AHNAK: variants seen among roughly 807,000 people sequenced by gnomAD.
AHNAK encodes neuroblast differentiation-associated protein AHNAK.
AHNAK carries 23 observed loss-of-function variants against 37.8 expected under a neutral mutation model. The observed-to-expected ratio is 0.61, with a 90% CI of 0.44 to 0.86. The LOEUF (loss-of-function observed/expected upper bound fraction) is 0.86. AHNAK is among the 40% of genes least tolerant of loss of function. The pLI, the probability that AHNAK is intolerant of heterozygous loss-of-function variation, is 0.00. For synonymous variants in AHNAK, 2,481 were observed against 2,636.3 expected, an observed-to-expected ratio of 0.94 and a Z score of 1.80; for missense variants, 7,411 against 7,319.4, an observed-to-expected ratio of 1.01 and a Z score of -0.46.
In AHNAK at chr11:62,533,683, T is replaced by C. The variant is rs755308336; in HGVS notation, c.734A>G (p.Gln245Arg). 1 of 1,614,140 alleles carries C rather than the reference T, an allele frequency of 6.2e-7. No individual in the cohort carries two copies. Among genetic ancestry groups the C allele is most frequent in the South Asian group, 1.1e-5 (1 of 91,078 alleles). Reference protein sequence around the residue: ...ELQGAGHSKLQVTMPGIKVGG... With the variant: ...ELQGAGHSKLRVTMPGIKVGG... ...CACCTTTATCCCAGGCATGGTGACCTGGAGCTTCGAGTGGCCAGCACCTTG... is the reference window on the plus strand; with the variant it reads ...CACCTTTATCCCAGGCATGGTGACCCGGAGCTTCGAGTGGCCAGCACCTTG... Residue 245 changes from glutamine (Q) to arginine (R), a missense_variant, in exon 5 of 5, where the codon CAG (glutamine) becomes CGG (arginine). Physicochemically the swap from Gln to Arg is conservative, Grantham distance 43 (BLOSUM62 1). Coordinates refer to ENST00000378024, the MANE Select transcript of AHNAK (RefSeq NM_001620.3).
At chr11:62,451,690 T>C (rs1938540641) in intron 5 of AHNAK, among the ~76,000 whole-genome samples, 1 of 147,874 alleles carries the variant, frequency 6.8e-6, no homozygotes, top group Admixed American at 6.8e-5. Context: ...TTAGCTGAGA[T>C]TGCACCATTG....
At chr11:62,482,498 G>A (rs1428521896) in intron 5 of AHNAK, among the ~76,000 whole-genome samples, 4 of 152,118 alleles carry the variant, frequency 2.6e-5, no homozygotes, top group Non-Finnish European at 5.9e-5. Flanking sequence ...TTCTCTCAAT[G>A]ACTTTGGGCA....
chr11:62,447,436 G>A (rs112970500), intron 5 of AHNAK, among the ~76,000 whole-genome samples: 2,657 of 152,214 alleles, frequency 0.017, 78 homozygotes, highest in African/African-American at 0.06. Flanking sequence ...TGAGGAGAAC[G>A]TCTGTTCCAC....
chr11:62,521,591 C>T lies in AHNAK; in HGVS notation c.12826G>A (p.Asp4276Asn). 1 of 1,612,004 alleles carries T rather than the reference C, an allele frequency of 6.2e-7. No individual in the cohort carries two copies. The highest frequency in any genetic ancestry group is 8.5e-7 in the Non-Finnish European group (1 of 1,179,558). The change falls in exon 5 of 5, where the codon GAT becomes AAT. Residue 4276 changes from aspartate (D) to asparagine (N), a missense_variant. Coordinates refer to ENST00000378024, the MANE Select transcript of AHNAK (RefSeq NM_001620.3). ...LKGPKVKGDV[D>N]VSLPKVEGDL... Reference sequence around the variant, plus strand: ...CCTTCCACTTTAGGAAGGGAAACATCCACATCACCCTTCACCTTGGGACCT... The same window carrying T: ...CCTTCCACTTTAGGAAGGGAAACATTCACATCACCCTTCACCTTGGGACCT...
At chr11:62,471,813 G>A (rs769474077) in intron 5 of AHNAK, among the ~76,000 whole-genome samples, 1 of 151,832 alleles carries the variant, frequency 6.6e-6, no homozygotes, top group Non-Finnish European at 1.5e-5. Flanking sequence ...CCTCAGCCCC[G>A]CACACTGGCA....
intron 5 of AHNAK, among the ~76,000 whole-genome samples, chr11:62,489,711 C>T (rs1242084045): frequency 6.6e-6 from 1 of 151,580 alleles, no homozygotes; most frequent in Non-Finnish European, 1.5e-5. Context: ...CCCTGGAGCT[C>T]GGAAGAGAAG....
At chr11:62,466,187 G>C (rs1354604845) in intron 5 of AHNAK, among the ~76,000 whole-genome samples, 1 of 152,028 alleles carries the variant, frequency 6.6e-6, no homozygotes, top group East Asian at 1.9e-4. Context: ...AAGAATGGTG[G>C]CACACACCTG....
chr11:62,445,580 A>G (rs901715623), intron 5 of AHNAK, among the ~76,000 whole-genome samples: 8 of 152,216 alleles, frequency 5.3e-5, no homozygotes, highest in Non-Finnish European at 1.2e-4. Context: ...CTGGCCAGGC[A>G]CAGTGGCTCA....
intron 4 of AHNAK, among the ~76,000 whole-genome samples, chr11:62,492,924 G>T (rs192395815): frequency 7.5e-6 from 1 of 133,580 alleles, no homozygotes; most frequent in Non-Finnish European, 1.5e-5. Context: ...TAACCCAAAG[G>T]TTACATGAAA....
At position 62,436,201 on chromosome 11, in the gene AHNAK, A is replaced by G. The variant is rs143138579; in HGVS notation, c.443-2310T>C. Among the ~76,000 whole-genome samples the G allele has an allele frequency of 3.0e-3, 464 of 152,316 alleles. 4 individuals are homozygous for G. Among genetic ancestry groups the G allele is most frequent in the African/African-American group, 0.011 (446 of 41,570 alleles). On this transcript the variant is annotated intron_variant, in intron 5 of 5. Transcript: ENST00000257247. Reference sequence around the variant, plus strand: ...GAACAAATTCATGGAAAGGGTTCATAAAGGGGCTGGGCTTCCCAATTCATG... The same window carrying G: ...GAACAAATTCATGGAAAGGGTTCATGAAGGGGCTGGGCTTCCCAATTCATG...
chr11:62,491,763 G>A lies in AHNAK; in HGVS notation c.411C>T (p.Ala137=), dbSNP rs199527649. 7.1e-5 allele frequency: 115 copies of A among 1,612,658 alleles called. No homozygotes were observed. Among genetic ancestry groups the A allele is most frequent in the African/African-American group, 2.3e-4 (17 of 74,868 alleles). The change falls in exon 5 of 6, where the codon GCC becomes GCT. Residue 137 remains alanine, a synonymous_variant. Transcript: ENST00000257247. ...TTGGGGTGGAGACTGAAACTGCCCC[G>A]GCTTGGCTGCTGGCTTCCTTCTGTT...
chr11:62,526,376 C>T lies in AHNAK; in HGVS notation c.8041G>A (p.Val2681Ile), dbSNP rs374413581. ...TTTCCCTCTGGTCCTTCAATGTTAACATCAGGGCCTTCAATGTCCACTTTG... is the reference window on the plus strand; with the variant it reads ...TTTCCCTCTGGTCCTTCAATGTTAATATCAGGGCCTTCAATGTCCACTTTG... ...GPKVDIEGPD[V>I]NIEGPEGKLK... is the part of the protein sequence containing the mutation. Residue 2681 changes from valine (V) to isoleucine (I), a missense_variant, in exon 5 of 5, where the codon GTT becomes ATT. Coordinates refer to ENST00000378024, the MANE Select transcript of AHNAK (RefSeq NM_001620.3). 4 of 1,610,144 alleles carry T rather than the reference C, an allele frequency of 2.5e-6. No homozygotes were observed.
At position 62,530,207 on chromosome 11, in the gene AHNAK, C is replaced by T. The variant is rs769404448; in HGVS notation, c.4210G>A (p.Val1404Met). 2.7e-5 allele frequency: 43 copies of T among 1,610,958 alleles called. No homozygotes were observed. Among genetic ancestry groups the T allele is most frequent in the Admixed American group, 1.8e-4 (11 of 59,618 alleles). Residue 1404 changes from valine (V) to methionine (M), a missense_variant, in exon 5 of 5, where the codon GTG becomes ATG. Val to Met is a conservative substitution (Grantham distance 21). Coordinates refer to ENST00000378024, the MANE Select transcript of AHNAK (RefSeq NM_001620.3). ...GFKGEGPEVD[V>M]KLPKADVDVS... is the part of the protein sequence containing the mutation. ...TCAACGTCAGCTTTGGGCAGCTTCA[C>T]ATCCACTTCAGGGCCCTCTCCTTTG... is the stretch of plus-strand genomic sequence containing the variant.
chr11:62,452,033 C>T (rs1009835532), intron 5 of AHNAK, among the ~76,000 whole-genome samples: 20 of 151,850 alleles, frequency 1.3e-4, no homozygotes, highest in African/African-American at 4.6e-4. Context: ...AGGATGGTCT[C>T]GATCTCCTGA....
Position 62,519,918 on chromosome 11 carries a change from C to T in AHNAK, c.14499G>A (p.Lys4833=). ...TTTCAGGCATCTTGAACTTGGGGCCCTTCAGTTTTGCGTCTGGACCTTCGA... is the reference window on the plus strand; with the variant it reads ...TTTCAGGCATCTTGAACTTGGGGCCTTTCAGTTTTGCGTCTGGACCTTCGA... ...VNIEGPDAKL[K]GPKFKMPEIN... Residue 4833 remains lysine (K), a synonymous_variant, in exon 5 of 5, where the codon AAG becomes AAA. Coordinates refer to ENST00000378024, the MANE Select transcript of AHNAK (RefSeq NM_001620.3). 1.2e-6 allele frequency: 2 copies of T among 1,613,836 alleles called. No homozygotes were observed. Among genetic ancestry groups the T allele is most frequent in the Non-Finnish European group, 1.7e-6 (2 of 1,179,894 alleles).
chr11:62,486,699 G>A lies in AHNAK; in HGVS notation c.442+5033C>T, dbSNP rs1767643806. ...ATGTAGATGTACTGTATACCACTGA[G>A]CTGTACACCTAAAAATGGTTAAAAT... On this transcript the variant is annotated intron_variant, in intron 5 of 5. Transcript: ENST00000257247. 2.0e-5 allele frequency among the ~76,000 whole-genome samples: 3 copies of A among 151,984 alleles called. No homozygotes were observed. In the South Asian group the frequency reaches 6.2e-4, roughly 32 times the overall value.
Position 62,523,749 on chromosome 11 carries a change from CT to C in AHNAK, c.10667del (p.Lys3556ArgfsTer2), listed in dbSNP as rs1940363282. The C allele has an allele frequency of 6.2e-7, 1 of 1,612,696 alleles. No individual in the cohort carries two copies. The highest frequency in any genetic ancestry group is 8.5e-7 in the Non-Finnish European group (1 of 1,179,674). On this transcript the variant is annotated frameshift_variant, in exon 5 of 5. Coordinates refer to ENST00000378024, the MANE Select transcript of AHNAK (RefSeq NM_001620.3). LOFTEE classifies it low-confidence loss of function (END_TRUNC). ...GAGAAATATCCACATCACCTTTCAC[CT>C]TGGGGCCTTTCAAGTTTAAGTCAAT... Reference protein sequence around the residue: ...PDIDLNLKGPKVKGDVDISLP... With the variant: ...PDIDLNLKGPXVKGDVDISLP...
intron 5 of AHNAK, among the ~76,000 whole-genome samples, chr11:62,464,036 G>T (rs551597225): frequency 3.4e-4 from 51 of 151,444 alleles, no homozygotes; most frequent in Non-Finnish European, 2.5e-4. Flanking sequence ...CCAAAGTGCT[G>T]GGATTACAGG....
intron 5 of AHNAK, among the ~76,000 whole-genome samples, chr11:62,450,139 ATTTAT>A (rs1938504597): frequency 1.4e-5 from 1 of 72,058 alleles, no homozygotes; most frequent in South Asian, 1.1e-3. Context: ...ATTTTATTTT[ATTTAT>A]TTTATTTATT....
Sources: gnomAD v4.1 joint callset for allele counts (sites outside exome capture counted in the v4.1 genomes callset) on GRCh38, gnomAD v4.1.1 for gene constraint, MANE v1.5 for transcripts, NCBI Gene and HGNC (gene_info 2026-07-23, HGNC 2026-07-21) for gene names.